The following SGCZ variants were observed in gnomAD, a reference collection of about 807,000 sequenced individuals.
The protein encoded by SGCZ is zeta-sarcoglycan.
Under a neutral mutation model 41.3 loss-of-function variants are expected in SGCZ, and 40 were observed. The observed-to-expected ratio is 0.97, with a 90% confidence interval of 0.75 to 1.26. The LOEUF is 1.26. SGCZ is among the 50% of genes most tolerant of loss of function. The probability of loss-of-function intolerance (pLI) is 0.00; values close to 1 mark genes in which losing one functional copy is unlikely to be tolerated. For missense variants in SGCZ, 552 were observed against 369.8 expected (o/e 1.49, Z -4.04); for synonymous variants, 206 against 137.5 (o/e 1.50, Z -3.49).
intron 1 of SGCZ, among the ~76,000 whole-genome samples, chr8:14,664,578 A>T (rs1807849093): frequency 6.6e-6 from 1 of 152,112 alleles, no homozygotes; most frequent in African/African-American, 2.4e-5. Flanking sequence ...CAAGAGCTCA[A>T]ATCATCAACA....
intron 1 of SGCZ, among the ~76,000 whole-genome samples, chr8:14,694,861 G>T (rs1808906709): frequency 6.6e-6 from 1 of 152,020 alleles, no homozygotes; most frequent in Admixed American, 6.6e-5. Flanking sequence ...ACATTCAGTA[G>T]TTTGTGTCTT....
At chr8:14,961,400 A>G (rs2130851468) in intron 1 of SGCZ, among the ~76,000 whole-genome samples, 1 of 152,248 alleles carries the variant, frequency 6.6e-6, no homozygotes, top group African/African-American at 2.4e-5. Context: ...TAGAATGTGT[A>G]TTACAGTAGA....
intron 7 of SGCZ, among the ~76,000 whole-genome samples, chr8:14,097,134 T>A (rs1301534919): frequency 6.6e-6 from 1 of 152,194 alleles, no homozygotes; most frequent in Non-Finnish European, 1.5e-5. Context: ...TGTCTTCTGC[T>A]AGCTTTTGAA....
chr8:14,922,613 C>G (rs142911446), intron 1 of SGCZ, among the ~76,000 whole-genome samples: 32 of 152,198 alleles, frequency 2.1e-4, no homozygotes, highest in African/African-American at 7.5e-4. Flanking sequence ...TTCCTAGATT[C>G]TCAATAGAAC....
intron 4 of SGCZ, among the ~76,000 whole-genome samples, chr8:14,178,975 C>A (rs1180744323): frequency 5.3e-5 from 8 of 152,158 alleles, no homozygotes; most frequent in Non-Finnish European, 1.2e-4. Flanking sequence ...AGGAGGAAAG[C>A]ACTGGCAGAC....
chr8:14,751,214 G>C (rs907443606), intron 1 of SGCZ, among the ~76,000 whole-genome samples: 1 of 152,108 alleles, frequency 6.6e-6, no homozygotes, highest in Admixed American at 6.6e-5. Flanking sequence ...CAGTGATAAA[G>C]ATAGACACAG....
chr8:14,620,347 C>T lies in SGCZ; in HGVS notation c.40-65421G>A, dbSNP rs186565766. The stretch of plus-strand genomic sequence containing the variant: ...AAACCATAAAAACCCTAGAAGAAAA[C>T]CTAGGCAATACCATTCAGGTCATAG... On this transcript the variant is annotated intron_variant, in intron 1 of 7. Transcript: ENST00000382080. Among the ~76,000 whole-genome samples, 79 of 152,246 alleles carry T rather than the reference C, an allele frequency of 5.2e-4. 1 individual carries two copies. The East Asian group carries it at 0.015, about 28-fold the overall frequency.
intron 1 of SGCZ, among the ~76,000 whole-genome samples, chr8:15,207,826 A>G (rs11203681): frequency 0.78 from 118,878 of 152,120 alleles, 46,915 homozygotes; most frequent in Non-Finnish European, 0.83. Flanking sequence ...AAATAATCTG[A>G]ATAAGCTCAA....
At chr8:14,624,435 T>C (rs943244456) in intron 1 of SGCZ, among the ~76,000 whole-genome samples, 6 of 151,888 alleles carry the variant, frequency 4.0e-5, no homozygotes, top group Non-Finnish European at 7.4e-5. Context: ...TGAATAAAGA[T>C]TATTAATAGG....
intron 1 of SGCZ, among the ~76,000 whole-genome samples, chr8:15,065,190 G>C (rs1805084767): frequency 6.6e-6 from 1 of 152,012 alleles, no homozygotes; most frequent in Admixed American, 6.6e-5. Flanking sequence ...GCTGTGCCTT[G>C]CTACTTGCTC....
chr8:14,412,708 C>G (rs912511374), intron 2 of SGCZ, among the ~76,000 whole-genome samples: 2 of 151,928 alleles, frequency 1.3e-5, no homozygotes, highest in African/African-American at 4.8e-5. Flanking sequence ...CTCACAAGGG[C>G]TAATGTATTC....
chr8:14,956,657 T>C (rs1800801945), intron 1 of SGCZ, among the ~76,000 whole-genome samples: 1 of 152,112 alleles, frequency 6.6e-6, no homozygotes, highest in African/African-American at 2.4e-5. Context: ...AATAAAAATA[T>C]TTTGAAGACA....
intron 2 of SGCZ, among the ~76,000 whole-genome samples, chr8:14,379,644 T>C (rs527456930): frequency 6.6e-6 from 1 of 152,272 alleles, no homozygotes; most frequent in Admixed American, 6.5e-5. Context: ...AATAAGCATG[T>C]AATAATAGGC....
At chr8:14,737,672 C>CT (rs1282836269) in intron 1 of SGCZ, among the ~76,000 whole-genome samples, 1 of 150,374 alleles carries the variant, frequency 6.7e-6, no homozygotes, top group Non-Finnish European at 1.5e-5. Flanking sequence ...CGGCCATCCT[C>CT]TGTCTGTTTT....
chr8:15,157,749 G>T (rs1799376015), intron 1 of SGCZ, among the ~76,000 whole-genome samples: 1 of 152,136 alleles, frequency 6.6e-6, no homozygotes, highest in Non-Finnish European at 1.5e-5. Context: ...CTAGATCATT[G>T]TGGACCTAGC....
intron 1 of SGCZ, among the ~76,000 whole-genome samples, chr8:14,841,379 C>T (rs758029415): frequency 6.1e-4 from 93 of 151,954 alleles, no homozygotes; most frequent in Non-Finnish European, 2.2e-4. Context: ...TTGGATTTCA[C>T]CTTGCATTCA....
intron 2 of SGCZ, among the ~76,000 whole-genome samples, chr8:14,532,101 C>G (rs1903593): frequency 0.22 from 33,600 of 151,918 alleles, 4,674 homozygotes; most frequent in Non-Finnish European, 0.32. Flanking sequence ...AGTTAAAGAA[C>G]TATTGAAAAT....
At chr8:14,741,709 T>A (rs139716383) in intron 1 of SGCZ, among the ~76,000 whole-genome samples, 4 of 152,152 alleles carry the variant, frequency 2.6e-5, no homozygotes, top group African/African-American at 9.6e-5. Flanking sequence ...TTTTCTAAAT[T>A]GCTTTTCCAA....
intron 1 of SGCZ, among the ~76,000 whole-genome samples, chr8:15,076,140 A>G (rs938693704): frequency 2.0e-4 from 30 of 152,188 alleles, no homozygotes; most frequent in Admixed American, 2.0e-3. Context: ...AACACATTAC[A>G]AAATATCTGA....
Sources: allele counts gnomAD v4.1 joint callset (sites outside exome capture counted in the v4.1 genomes callset), GRCh38; gene constraint gnomAD v4.1.1; transcripts MANE v1.5; gene names NCBI Gene and HGNC (gene_info 2026-07-23, HGNC 2026-07-21).